CDH13: variants seen among roughly 807,000 people sequenced by gnomAD.
CDH13 encodes cadherin-13.
Under a neutral mutation model 63.8 loss-of-function variants are expected in CDH13, and 24 were observed. That is an observed-to-expected ratio of 0.38 (90% CI 0.27 to 0.53). The LOEUF (loss-of-function observed/expected upper bound fraction) is 0.53, where lower values mean the gene tolerates loss of function less well. CDH13 is among the 20% of genes least tolerant of loss of function. The pLI, the probability that CDH13 is intolerant of heterozygous loss-of-function variation, is 0.85. For missense variants in CDH13, 1,049 were observed against 903.1 expected (o/e 1.16, Z -2.07); for synonymous variants, 503 against 355.3 (o/e 1.42, Z -4.67).
At chr16:82,995,331 A>G (rs72792141) in intron 2 of CDH13, among the ~76,000 whole-genome samples, 18,779 of 152,230 alleles carry the variant, frequency 0.12, 1,273 homozygotes, top group African/African-American at 0.18. Context: ...TCTAGGTATG[A>G]CCATGGAACT....
At chr16:83,161,046 G>A (rs964187738) in intron 4 of CDH13, among the ~76,000 whole-genome samples, 1 of 152,198 alleles carries the variant, frequency 6.6e-6, no homozygotes, top group Non-Finnish European at 1.5e-5. Flanking sequence ...CATCTAGACT[G>A]AGCATCAGCA....
chr16:83,303,504 TTGTC>T (rs2089798964), intron 5 of CDH13, among the ~76,000 whole-genome samples: 1 of 152,128 alleles, frequency 6.6e-6, no homozygotes, highest in Non-Finnish European at 1.5e-5. Flanking sequence ...GAGACAAAGT[TTGTC>T]TGGGCTGTAG....
chr16:83,664,921 C>G (rs1413042487), intron 8 of CDH13, among the ~76,000 whole-genome samples: 1 of 152,204 alleles, frequency 6.6e-6, no homozygotes, highest in Non-Finnish European at 1.5e-5. Flanking sequence ...AATACTAGCC[C>G]TCTCACTTAC....
intron 3 of CDH13, among the ~76,000 whole-genome samples, chr16:83,066,047 G>A (rs900239746): frequency 2.6e-5 from 4 of 152,194 alleles, no homozygotes; most frequent in African/African-American, 9.7e-5. Context: ...AAGCATAAGA[G>A]CTGTAAAGGA....
At chr16:82,987,652 C>T (rs1911116155) in intron 2 of CDH13, among the ~76,000 whole-genome samples, 2 of 152,194 alleles carry the variant, frequency 1.3e-5, no homozygotes, top group South Asian at 2.1e-4. Context: ...GGTAGGATTA[C>T]AGGCATGAGC....
At chr16:82,948,611 A>G (rs1904982412) in intron 2 of CDH13, among the ~76,000 whole-genome samples, 4 of 152,184 alleles carry the variant, frequency 2.6e-5, no homozygotes, top group African/African-American at 4.8e-5. Context: ...ACAATCTTTT[A>G]TTTTTATTCT....
chr16:83,791,177 C>T (rs983430098), intron 13 of CDH13, among the ~76,000 whole-genome samples: 1 of 151,948 alleles, frequency 6.6e-6, no homozygotes, highest in Admixed American at 6.6e-5. Flanking sequence ...AAAAGCCCCA[C>T]CCCATGTCAG....
At chr16:83,307,391 T>C (rs2151882282) in intron 5 of CDH13, among the ~76,000 whole-genome samples, 1 of 152,290 alleles carries the variant, frequency 6.6e-6, no homozygotes, top group South Asian at 2.1e-4. Flanking sequence ...CAGTGCTACC[T>C]CACTTCCTCT....
rs371866515 is a variant in CDH13 at position 83,670,841 on chromosome 16, G to A, written c.1153G>A (p.Val385Ile). 2 of 1,613,864 alleles carry A rather than the reference G, an allele frequency of 1.2e-6. No homozygotes were observed. Among genetic ancestry groups the A allele is most frequent in the Non-Finnish European group, 1.7e-6 (2 of 1,179,876 alleles). ...TGTGGGAGTTATTGTCAATTTGACA[G>A]TTGAAGATAAGGATGACCCCACCAC... The part of the protein sequence containing the change: ...GAVGVIVNLT[V>I]EDKDDPTTGA... Residue 385 changes from valine to isoleucine, a missense_variant, in exon 9 of 14, where the codon GTT (valine) becomes ATT (isoleucine). Val to Ile is a conservative substitution (Grantham distance 29). Transcript: ENST00000567109.
chr16:83,588,712 A>T (rs1432847206), intron 7 of CDH13, among the ~76,000 whole-genome samples: 1 of 152,256 alleles, frequency 6.6e-6, no homozygotes, highest in African/African-American at 2.4e-5. Flanking sequence ...TCATCTTCCC[A>T]CTAGACAGAT....
chr16:83,764,530 G>A (rs889027555), intron 11 of CDH13, among the ~76,000 whole-genome samples: 1 of 152,072 alleles, frequency 6.6e-6, no homozygotes, highest in African/African-American at 2.4e-5. Context: ...TCCCCCACTG[G>A]AGTCCCCCTT....
rs1424888556 is a variant in CDH13 at position 83,799,083 on chromosome 16, G to C, written c.*4053G>C. On this transcript the variant is annotated 3_prime_UTR_variant, in exon 14 of 14. Coordinates refer to ENST00000567109, the MANE Select transcript of CDH13 (RefSeq NM_001257.5). ...TCCCAGCCCTTTGGGAGGCAGAGGC[G>C]GGTGGATCACTTAAGGTCAGGAGTT... The C allele has an allele frequency of 6.6e-6, 1 of 151,926 alleles. No individual in the cohort carries two copies. Among genetic ancestry groups the C allele is most frequent in the Non-Finnish European group, 1.5e-5 (1 of 67,994 alleles). The allele number at this position is 151,926 out of a possible 1,614,324, so 9.4% of individuals were successfully genotyped here. A position where few individuals can be genotyped will look rare whatever the true frequency, so the allele number is the denominator to read the frequency against.
intron 2 of CDH13, among the ~76,000 whole-genome samples, chr16:82,905,643 A>T (rs1421120015): frequency 6.6e-6 from 1 of 152,234 alleles, no homozygotes; most frequent in Non-Finnish European, 1.5e-5. Flanking sequence ...ATTTTCTAGT[A>T]GGTGCATCAA....
At chr16:83,686,866 T>C (rs1904352718) in intron 10 of CDH13, among the ~76,000 whole-genome samples, 1 of 152,152 alleles carries the variant, frequency 6.6e-6, no homozygotes, top group African/African-American at 2.4e-5. Flanking sequence ...AATAGATTAA[T>C]GGCAGCTGGG....
chr16:82,685,006 A>G (rs1041671616), intron 1 of CDH13, among the ~76,000 whole-genome samples: 1 of 151,102 alleles, frequency 6.6e-6, no homozygotes, highest in East Asian at 1.9e-4. Context: ...GGTGGGCACC[A>G]CTTGAGACAG....
chr16:83,270,353 G>T (rs995963358), intron 5 of CDH13, among the ~76,000 whole-genome samples: 4 of 152,122 alleles, frequency 2.6e-5, no homozygotes, highest in African/African-American at 9.7e-5. Context: ...TCTGGGATGT[G>T]GCTGTGTTTC....
chr16:82,636,956 C>T (rs557125757), intron 1 of CDH13, among the ~76,000 whole-genome samples: 55 of 152,308 alleles, frequency 3.6e-4, no homozygotes, highest in Non-Finnish European at 5.3e-4. Context: ...CCCCCTCACT[C>T]GTGGTATGAC....
At chr16:83,232,073 G>C (rs2040011242) in intron 5 of CDH13, among the ~76,000 whole-genome samples, 1 of 152,226 alleles carries the variant, frequency 6.6e-6, no homozygotes, top group Non-Finnish European at 1.5e-5. Flanking sequence ...GGAGAAGGGA[G>C]AGGATCAGGA....
At chr16:83,738,003 C>T (rs970516359) in intron 10 of CDH13, among the ~76,000 whole-genome samples, 4 of 152,196 alleles carry the variant, frequency 2.6e-5, no homozygotes, top group African/African-American at 4.8e-5. Flanking sequence ...ATACATACAT[C>T]GTACGCCACC....
Sources: gnomAD v4.1 joint callset for allele counts (sites outside exome capture counted in the v4.1 genomes callset) on GRCh38, gnomAD v4.1.1 for gene constraint, MANE v1.5 for transcripts, NCBI Gene and HGNC (gene_info 2026-07-23, HGNC 2026-07-21) for gene names.